Variants in MBNL1 observed in about 807,000 individuals in gnomAD.
MBNL1 encodes muscleblind like splicing regulator 1, also known as muscleblind-like protein 1.
In MBNL1, 8 loss-of-function variants were observed where a neutral mutation model predicts 42.2. The observed-to-expected ratio is 0.19, with a 90% CI of 0.11 to 0.34. The LOEUF (loss-of-function observed/expected upper bound fraction) is 0.34, where lower values mean the gene tolerates loss of function less well. Ranked by LOEUF, MBNL1 falls within the 10% of genes least tolerant of loss-of-function variation. The probability of loss-of-function intolerance (pLI) is 1.00; values close to 1 mark genes in which losing one functional copy is unlikely to be tolerated. For missense variants in MBNL1, 309 were observed against 495.3 expected (o/e 0.62, Z 3.57); for synonymous variants, 169 against 173.9 (o/e 0.97, Z 0.22).
At chr3:152,271,025 C>T (rs1476108856) in intron 1 of MBNL1, among the ~76,000 whole-genome samples, 1 of 152,166 alleles carries the variant, frequency 6.6e-6, no homozygotes, top group Non-Finnish European at 1.5e-5. Flanking sequence ...AAAAACCTCA[C>T]ATATGCCTAG....
intron 2 of MBNL1, among the ~76,000 whole-genome samples, chr3:152,364,285 TGTAGCTATAGTG>T (rs1215726727): frequency 6.6e-6 from 1 of 152,142 alleles, no homozygotes. Flanking sequence ...CTGTACACAA[TGTAGCTATAGTG>T]TGATTTACAA....
chr3:152,321,926 T>C (rs572418103), intron 2 of MBNL1, among the ~76,000 whole-genome samples: 6 of 152,118 alleles, frequency 3.9e-5, no homozygotes, highest in Non-Finnish European at 8.8e-5. Context: ...TTCTTTGTTT[T>C]TTAAATCTGG....
At chr3:152,362,018 A>G (rs2096001024) in intron 2 of MBNL1, among the ~76,000 whole-genome samples, 1 of 152,228 alleles carries the variant, frequency 6.6e-6, no homozygotes, top group South Asian at 2.1e-4. Flanking sequence ...AAAGAGGGAA[A>G]GGAATTGCTA....
chr3:152,357,509 G>T (rs747993370), intron 2 of MBNL1, among the ~76,000 whole-genome samples: 1 of 152,170 alleles, frequency 6.6e-6, no homozygotes. Flanking sequence ...TGTTATAGGA[G>T]CAGGGAAATC....
chr3:152,333,815 A>T (rs2087191991), intron 2 of MBNL1, among the ~76,000 whole-genome samples: 1 of 152,246 alleles, frequency 6.6e-6, no homozygotes, highest in African/African-American at 2.4e-5. Flanking sequence ...CGTTAACAAT[A>T]AATGTGCAAT....
At chr3:152,248,641 A>G (rs1275981039) in intron 2 of MBNL1, among the ~76,000 whole-genome samples, 1 of 151,680 alleles carries the variant, frequency 6.6e-6, no homozygotes, top group African/African-American at 2.4e-5. Context: ...TTATACTTCA[A>G]GTTTTAGGGT....
rs1223640897 is a variant in MBNL1 at position 152,308,177 on chromosome 3, C to T, written c.174+7810C>T. On this transcript the variant is annotated intron_variant, in intron 2 of 9. Coordinates refer to ENST00000324210, the MANE Select transcript of MBNL1 (RefSeq NM_021038.5). ...CCCAGAGGATGCTTGAGTTATAGTT[C>T]AGTACAAACAGTACCTTGGAAACCC... Among the ~76,000 whole-genome samples, 4 of 152,146 alleles carry T rather than the reference C, an allele frequency of 2.6e-5. No individual in the cohort carries two copies. The East Asian group carries it at 7.7e-4, about 29-fold the overall frequency.
In MBNL1 at chr3:152,279,553, G is replaced by A. The variant is rs563640867; in HGVS notation, c.-790+10461G>A. Among the ~76,000 whole-genome samples, 123 of 152,018 alleles carry A rather than the reference G, an allele frequency of 8.1e-4. 1 individual carries two copies. Among genetic ancestry groups the A allele is most frequent in the African/African-American group, 2.6e-3 (107 of 41,472 alleles). On this transcript the variant is annotated intron_variant, in intron 1 of 9. Coordinates refer to ENST00000324210, the MANE Select transcript of MBNL1 (RefSeq NM_021038.5). Reference sequence around the variant, plus strand: ...GCTTTGATGATGGGTTACAAATAGCGTATCGTTTGACAAATGCTTATACTC... The same window carrying A: ...GCTTTGATGATGGGTTACAAATAGCATATCGTTTGACAAATGCTTATACTC...
intron 2 of MBNL1, among the ~76,000 whole-genome samples, chr3:152,317,766 C>T (rs1474826175): frequency 1.3e-5 from 2 of 152,106 alleles, no homozygotes; most frequent in East Asian, 3.9e-4. Flanking sequence ...CTTCATCGAT[C>T]AAGTTCTGTT....
chr3:152,368,543 T>C (rs924579002), intron 2 of MBNL1, among the ~76,000 whole-genome samples: 2 of 152,226 alleles, frequency 1.3e-5, no homozygotes, highest in Non-Finnish European at 2.9e-5. Context: ...TTTCTAATTC[T>C]GTGAAGAAAG....
At chr3:152,357,712 T>G (rs2095629052) in intron 2 of MBNL1, among the ~76,000 whole-genome samples, 1 of 152,224 alleles carries the variant, frequency 6.6e-6, no homozygotes, top group African/African-American at 2.4e-5. Context: ...TTACTCTTGC[T>G]TCTTTAAGTT....
chr3:152,423,543 A>G (rs1331493242), intron 3 of MBNL1, among the ~76,000 whole-genome samples: 4 of 152,224 alleles, frequency 2.6e-5, no homozygotes, highest in Admixed American at 6.5e-5. Context: ...AAACTATTCC[A>G]AACAATAGAA....
chr3:152,384,178 G>A (rs1018185662), intron 2 of MBNL1, among the ~76,000 whole-genome samples: 1 of 152,080 alleles, frequency 6.6e-6, no homozygotes, highest in East Asian at 1.9e-4. Flanking sequence ...CTTTGGGAAG[G>A]GTGATCCATG....
chr3:152,338,606 A>G, intron 2 of MBNL1: 1 of 985,384 alleles, frequency 1.0e-6, no homozygotes, highest in Non-Finnish European at 1.2e-6. Context: ...GAGGAAGAGA[A>G]TGGCTGTTTG....
intron 2 of MBNL1, among the ~76,000 whole-genome samples, chr3:152,326,117 T>G (rs1222656708): frequency 6.6e-6 from 1 of 152,174 alleles, no homozygotes; most frequent in Admixed American, 6.5e-5. Context: ...CTATGAAAAT[T>G]GACGACAATT....
At chr3:152,244,836 G>C (rs1477041593) in intron 2 of MBNL1, among the ~76,000 whole-genome samples, 1 of 151,016 alleles carries the variant, frequency 6.6e-6, no homozygotes, top group East Asian at 1.9e-4. Context: ...TGTTCATTTT[G>C]CATATTATTA....
At chr3:152,447,447 T>C (rs904231102) in intron 5 of MBNL1, among the ~76,000 whole-genome samples, 173 bp from the exon 6 acceptor site, 1 of 151,916 alleles carries the variant, frequency 6.6e-6, no homozygotes, top group Non-Finnish European at 1.5e-5. Flanking sequence ...ATCTTGCTTT[T>C]TTTTTTTTTT....
intron 5 of MBNL1, chr3:152,446,810 A>C (rs2099233545): frequency 6.8e-7 from 1 of 1,475,828 alleles, no homozygotes; most frequent in Admixed American, 2.1e-5. Context: ...TGTAGATACA[A>C]GTTTTTTTTT....
chr3:152,350,187 G>T (rs1000222609), intron 2 of MBNL1, among the ~76,000 whole-genome samples: 1 of 152,140 alleles, frequency 6.6e-6, no homozygotes, highest in Non-Finnish European at 1.5e-5. Context: ...TGAGGATGGT[G>T]CTTTGCCAAG....
Sources: gnomAD v4.1 joint callset for allele counts (sites outside exome capture counted in the v4.1 genomes callset) on GRCh38, gnomAD v4.1.1 for gene constraint, MANE v1.5 for transcripts, NCBI Gene and HGNC (gene_info 2026-07-23, HGNC 2026-07-21) for gene names.